Variants in DMAC2 observed in about 807,000 individuals in gnomAD.
DMAC2 encodes the protein distal membrane-arm assembly complex protein 2.
A neutral mutation model predicts 29.6 loss-of-function variants in DMAC2; 32 were observed. That is an observed-to-expected ratio of 1.08 (90% CI 0.81 to 1.45). The LOEUF (loss-of-function observed/expected upper bound fraction) is 1.45, where lower values mean the gene tolerates loss of function less well. DMAC2 is among the 40% of genes most tolerant of loss of function. The pLI is 0.00. For synonymous variants in DMAC2, 133 were observed against 137.4 expected (o/e 0.97, Z 0.23); for missense variants, 319 against 340.0 (o/e 0.94, Z 0.49).
At chr19:41,434,240 A>C (rs1467374949) in intron 3 of DMAC2, among the ~76,000 whole-genome samples, 2 of 151,290 alleles carry the variant, frequency 1.3e-5, no homozygotes, top group Non-Finnish European at 2.9e-5. Context: ...ATCTCAAAAA[A>C]AAAACAAAAA....
chr19:41,432,135 T>TTGAG lies in DMAC2; in HGVS notation c.*92_*95dup. 7.1e-7 allele frequency: 1 copy of TTGAG among 1,401,044 alleles called. No homozygotes were observed. The highest frequency in any genetic ancestry group is 9.8e-7 in the Non-Finnish European group (1 of 1,016,204). The allele number at this position is 1,401,044 out of a possible 1,614,324, so 86.8% of individuals were successfully genotyped here. On this transcript the variant is annotated 3_prime_UTR_variant, in exon 6 of 6. Coordinates refer to ENST00000221943, the MANE Select transcript of DMAC2 (RefSeq NM_018035.3). ...CCAGCACCACTCCCCCACCCTGACG[T>TTGAG]TGAGTGAAGACAAATGGAAGCCAGA...
chr19:41,432,390 G>A lies in DMAC2; in HGVS notation c.615C>T (p.Asp205=), dbSNP rs149741041. The change falls in exon 6 of 6, where the codon GAC becomes GAT. Residue 205 remains aspartate, a synonymous_variant. Transcript: ENST00000221943. ...TGGACACGGCAGGGAGGTCCGAGAT[G>A]TCCAGCCTGCGGAGGTTCCTGAAAA... The part of the protein sequence containing the change: ...LHHLQNLRRL[D]ISDLPAVSNP... The A allele has an allele frequency of 4.2e-5, 68 of 1,613,774 alleles. No homozygotes were observed. Among genetic ancestry groups the A allele is most frequent in the Admixed American group, 2.0e-4 (12 of 59,986 alleles).
intron 1 of DMAC2, 157 bp downstream of exon 1, chr19:41,439,725 C>T (rs1051832329): frequency 1.5e-6 from 2 of 1,361,020 alleles, no homozygotes; most frequent in Non-Finnish European, 2.1e-6. Context: ...CTTCCTGGCC[C>T]CCACTAGCCA....
chr19:41,439,670 T>A, intron 1 of DMAC2: 2 of 1,332,072 alleles, frequency 1.5e-6, no homozygotes, highest in South Asian at 1.3e-5. Flanking sequence ...CCCTGCCTCC[T>A]CTCGCTCGCT....
chr19:41,432,150 T>C lies in DMAC2; in HGVS notation c.*81A>G. 7 of 1,500,128 alleles carry C rather than the reference T, an allele frequency of 4.7e-6. No individual in the cohort carries two copies. In the South Asian group the frequency reaches 7.4e-5, roughly 16 times the overall value. The allele number at this position is 1,500,128 out of a possible 1,614,324, so 92.9% of individuals were successfully genotyped here. ...CACCCTGACGTTGAGTGAAGACAAA[T>C]GGAAGCCAGAAGTGTGGTGAGCTAC... On this transcript the variant is annotated 3_prime_UTR_variant, in exon 6 of 6. Coordinates refer to ENST00000221943, the MANE Select transcript of DMAC2 (RefSeq NM_018035.3).
rs145875700 is a variant in DMAC2, at chr19:41,433,597, G to C, written c.373C>G (p.Pro125Ala). 4.2e-5 allele frequency: 67 copies of C among 1,614,016 alleles called. No homozygotes were observed. In the African/African-American group the frequency reaches 8.1e-4, roughly 20 times the overall value. The change falls in exon 4 of 6, where the codon CCT (proline) becomes GCT (alanine). Residue 125 changes from proline to alanine, a missense_variant. Coordinates refer to ENST00000221943, the MANE Select transcript of DMAC2 (RefSeq NM_018035.3). Reference sequence around the variant, plus strand: ...TCACCGGCATCCACAGCTTCGACAGGCACTTCACAGAAATTCCAGAACTCC... The same window carrying C: ...TCACCGGCATCCACAGCTTCGACAGCCACTTCACAGAAATTCCAGAACTCC... ...SQEFWNFCEV[P>A]VEAVDAGDCD... is the part of the protein sequence containing the mutation.
intron 3 of DMAC2, among the ~76,000 whole-genome samples, chr19:41,435,822 A>G (rs2039829621): frequency 6.6e-6 from 1 of 151,180 alleles, no homozygotes; most frequent in Admixed American, 6.6e-5. Flanking sequence ...CGGCCTCCCA[A>G]AGTGCTGGGA....
chr19:41,432,260 G>C lies in DMAC2; in HGVS notation c.745C>G (p.Arg249Gly). ...GCAGGGACAGGGCTGGCTGTGTCCC[G>C]AGGCTGCTCCTCCGGCCCTGACTTC... is the stretch of plus-strand genomic sequence containing the variant. Reference protein sequence around the residue: ...GLKSGPEEQPRDTASPVPA With the variant: ...GLKSGPEEQPGDTASPVPA Residue 249 changes from arginine (R) to glycine (G), a missense_variant, in exon 6 of 6, where the codon CGG (arginine) becomes GGG (glycine). Physicochemically the swap from Arg to Gly is moderately radical, Grantham distance 125 (BLOSUM62 -2). Transcript: ENST00000221943. 2 of 1,614,058 alleles carry C rather than the reference G, an allele frequency of 1.2e-6. No individual in the cohort carries two copies.
Position 41,432,073 on chromosome 19 carries a change from A to G in DMAC2, c.*158T>C, listed in dbSNP as rs138374066. ...GACCTTTAGCCAAGGGCAGCCAGGA[A>G]TAAATACTGGGAACTCACGCTCTCT... On this transcript the variant is annotated 3_prime_UTR_variant, in exon 6 of 6. Coordinates refer to ENST00000221943, the MANE Select transcript of DMAC2 (RefSeq NM_018035.3). 3.5e-4 allele frequency: 283 copies of G among 811,210 alleles called. 1 individual carries two copies. In the African/African-American group the frequency reaches 4.4e-3, roughly 13 times the overall value. 50.3% of individuals were successfully genotyped at this position (811,210 alleles called of 1,614,324 possible).
At chr19:41,436,285 GCGGCAGAGACCAGGGGA>G in intron 3 of DMAC2, 90 bp downstream of exon 3, 2 of 913,326 alleles carry the variant, frequency 2.2e-6, no homozygotes, top group Non-Finnish European at 3.5e-6. Context: ...CAGCCAGGAG[GCGGCAGAGACCAGGGGA>G]CTCTGAAGCC....
chr19:41,438,411 G>A lies in DMAC2; in HGVS notation c.22C>T (p.Leu8=). 1 of 1,612,440 alleles carries A rather than the reference G, an allele frequency of 6.2e-7. No individual in the cohort carries two copies. The highest frequency in any genetic ancestry group is 8.5e-7 in the Non-Finnish European group (1 of 1,179,246). Residue 8 remains leucine (L), a synonymous_variant, in exon 2 of 6, where the codon CTG becomes TTG. Transcript: ENST00000221943. ...TTCCACATGGGGGCGACCAGGCGCA[G>A]GGACTGGGGAGGGGGAGAGGAAAGG... MAAPWAS[L]RLVAPMWNGR...
chr19:41,438,412 G>A lies in DMAC2; in HGVS notation c.21C>T (p.Ser7=), dbSNP rs781812442. MAAPWA[S]LRLVAPMWNG... is the part of the protein sequence containing the mutation. ...TCCACATGGGGGCGACCAGGCGCAG[G>A]GACTGGGGAGGGGGAGAGGAAAGGA... The change falls in exon 2 of 6, where the codon TCC becomes TCT. Residue 7 remains serine (S), a splice_region_variant and synonymous_variant. Coordinates refer to ENST00000221943, the MANE Select transcript of DMAC2 (RefSeq NM_018035.3). 46 of 1,611,930 alleles carry A rather than the reference G, an allele frequency of 2.9e-5. No individual in the cohort carries two copies. The highest frequency in any genetic ancestry group is 3.3e-5 in the Non-Finnish European group (39 of 1,179,060).
intron 3 of DMAC2, among the ~76,000 whole-genome samples, chr19:41,434,867 G>A (rs1440091073): frequency 6.6e-6 from 1 of 151,864 alleles, no homozygotes; most frequent in Non-Finnish European, 1.5e-5. Context: ...TTAGCCGGGC[G>A]TGGTAGTGTG....
chr19:41,431,766 G>A lies in DMAC2; in HGVS notation c.*465C>T. 8.7e-6 allele frequency: 2 copies of A among 230,850 alleles called. No individual in the cohort carries two copies. Among genetic ancestry groups the A allele is most frequent in the Non-Finnish European group, 1.7e-5 (2 of 115,154 alleles). The allele number at this position is 230,850 out of a possible 1,614,324, so 14.3% of individuals were successfully genotyped here. A position where few individuals can be genotyped will look rare whatever the true frequency, so the allele number is the denominator to read the frequency against. On this transcript the variant is annotated 3_prime_UTR_variant, in exon 6 of 6. Transcript: ENST00000221943. ...AATACTATGGGGCCTGGGGTGCGCT[G>A]GCCTTTAGTGAGTGGAGTGGGGCGA... is the stretch of plus-strand genomic sequence containing the variant.
At chr19:41,432,674 G>GTGTGTGTGTATGTA in intron 5 of DMAC2, 2 of 364,228 alleles carry the variant, frequency 5.5e-6, no homozygotes, top group South Asian at 2.6e-5. Context: ...GTGTGTGTGT[G>GTGTGTGTGTATGTA]TGTATAGGGA....
At chr19:41,439,446 T>C in intron 1 of DMAC2, 1 of 1,521,642 alleles carries the variant, frequency 6.6e-7, no homozygotes, top group Non-Finnish European at 8.8e-7. Context: ...CTGTAAAAAT[T>C]CGTCAATCTC....
Position 41,433,303 on chromosome 19 carries a change from C to G in DMAC2, c.565G>C (p.Glu189Gln). Residue 189 changes from glutamate to glutamine, a missense_variant, in exon 5 of 6, where the codon GAA becomes CAA. Glu to Gln is a conservative substitution (Grantham distance 29, BLOSUM62 2). Transcript: ENST00000221943. ...LSLAGCPRIS[E>Q]RGLACLHHLQ... is the part of the protein sequence containing the mutation. ...TGGTGGAGGCAGGCGAGGCCCCGTT[C>G]GGAGATGCGGGGGCAACCGGCCAGC... is the stretch of plus-strand genomic sequence containing the variant. 6.2e-7 allele frequency: 1 copy of G among 1,610,766 alleles called. No individual in the cohort carries two copies. The highest frequency in any genetic ancestry group is 8.5e-7 in the Non-Finnish European group (1 of 1,179,764).
In DMAC2 at chr19:41,433,285, G is replaced by A; in HGVS notation, c.583C>T (p.Leu195Phe). The change falls in exon 5 of 6, where the codon CTC becomes TTC. Residue 195 changes from leucine to phenylalanine, a missense_variant. Physicochemically the swap from Leu to Phe is conservative, Grantham distance 22. Transcript: ENST00000221943. ...PRISERGLAC[L>F]HHLQNLRRLD... is the part of the protein sequence containing the mutation. The stretch of plus-strand genomic sequence containing the variant: ...CTGAGGTCTCACTGGAGGTGGTGGA[G>A]GCAGGCGAGGCCCCGTTCGGAGATG... 6.2e-7 allele frequency: 1 copy of A among 1,608,850 alleles called. No homozygotes were observed. Among genetic ancestry groups the A allele is most frequent in the Non-Finnish European group, 8.5e-7 (1 of 1,179,200 alleles).
intron 5 of DMAC2, 124 bp from the exon 6 acceptor site, chr19:41,432,532 C>G: frequency 1.2e-6 from 1 of 806,766 alleles, no homozygotes; most frequent in Non-Finnish European, 1.9e-6. Context: ...GTAAGGACAG[C>G]GTGTGTGTGT....
Sources: allele counts gnomAD v4.1 joint callset (sites outside exome capture counted in the v4.1 genomes callset), GRCh38; gene constraint gnomAD v4.1.1; transcripts MANE v1.5; gene names NCBI Gene and HGNC (gene_info 2026-07-23, HGNC 2026-07-21).